The following NAV3 variants were observed in gnomAD, a reference collection of about 807,000 sequenced individuals.
The protein encoded by NAV3 is pore membrane and/or filament interacting like protein 1.
Under a neutral mutation model 244.7 loss-of-function variants are expected in NAV3, and 87 were observed. That is an observed-to-expected ratio of 0.36 (90% CI 0.30 to 0.42). The LOEUF (loss-of-function observed/expected upper bound fraction) is 0.42. Ranked by LOEUF, NAV3 falls within the 20% of genes least tolerant of loss-of-function variation. The probability of loss-of-function intolerance (pLI) is 1.00; values close to 1 mark genes in which losing one functional copy is unlikely to be tolerated. For missense variants in NAV3, 2,663 were observed against 2,893.3 expected (o/e 0.92, Z 1.83); for synonymous variants, 1,126 against 1,042.2 (o/e 1.08, Z -1.55).
intron 2 of NAV3, among the ~76,000 whole-genome samples, chr12:77,768,575 T>C (rs557686573): frequency 6.6e-6 from 1 of 152,340 alleles, no homozygotes; most frequent in Admixed American, 6.5e-5. Context: ...CACCTGGGCT[T>C]GGCCTCAACT....
At chr12:77,769,861 C>G (rs1190187898) in intron 2 of NAV3, among the ~76,000 whole-genome samples, 2 of 152,046 alleles carry the variant, frequency 1.3e-5, no homozygotes, top group African/African-American at 4.8e-5. Context: ...TCATCACTTT[C>G]TATTATGAGA....
At position 77,695,956 on chromosome 12, in the gene NAV3, T is replaced by A. The variant is rs75121601; in HGVS notation, c.72+123690T>A. Among the ~76,000 whole-genome samples the A allele has an allele frequency of 5.9e-3, 892 of 152,286 alleles. 10 individuals carry two copies. The highest frequency in any genetic ancestry group is 0.02 in the African/African-American group (846 of 41,562). On this transcript the variant is annotated intron_variant, in intron 2 of 8. Coordinates refer to the NAV3 transcript ENST00000550042. The stretch of plus-strand genomic sequence containing the variant: ...CTTATTTTGAAGTTATAATTTGTCA[T>A]GTCCTTGGTTCAAGGTATGCAAAAA...
intron 1 of NAV3, among the ~76,000 whole-genome samples, chr12:77,930,484 A>T (rs914300152): frequency 1.3e-5 from 2 of 151,354 alleles, no homozygotes; most frequent in Non-Finnish European, 2.9e-5. Flanking sequence ...ATCCATCCGT[A>T]TACAATTTTC....
chr12:77,584,888 G>C (rs768111614), intron 2 of NAV3, among the ~76,000 whole-genome samples: 1 of 152,128 alleles, frequency 6.6e-6, no homozygotes, highest in African/African-American at 2.4e-5. Context: ...GTCAAATTCT[G>C]TTTAAGTTTT....
chr12:78,170,626 A>G (rs1477488776), intron 24 of NAV3, among the ~76,000 whole-genome samples: 1 of 151,784 alleles, frequency 6.6e-6, no homozygotes, highest in Non-Finnish European at 1.5e-5. Flanking sequence ...ATATTTATTC[A>G]TAACCAATTA....
At chr12:77,621,961 A>G (rs550231181) in intron 2 of NAV3, among the ~76,000 whole-genome samples, 2 of 152,324 alleles carry the variant, frequency 1.3e-5, no homozygotes, top group Admixed American at 1.3e-4. Flanking sequence ...GTATATGAGC[A>G]TCTATGATGA....
chr12:77,805,761 C>T (rs1422289847), intron 2 of NAV3, among the ~76,000 whole-genome samples: 1 of 152,084 alleles, frequency 6.6e-6, no homozygotes, highest in Non-Finnish European at 1.5e-5. Flanking sequence ...CTCTTTGTAC[C>T]TCTGGTAGAA....
rs2140139747 is a variant in NAV3, at chr12:78,210,457, C to T, written c.7098C>T (p.Asp2366=). The change falls in exon 40 of 40, where the codon GAC becomes GAT. Residue 2366 remains aspartate, a synonymous_variant. Transcript: ENST00000397909. ...AANYSSTQSC[D]SESTSHHEDI... ...ATTACTCGAGCACACAAAGCTGCGA[C>T]AGCGAAAGCACCAGCCACCATGAAG... 1 of 1,613,784 alleles carries T rather than the reference C, an allele frequency of 6.2e-7. No individual in the cohort carries two copies. The highest frequency in any genetic ancestry group is 8.5e-7 in the Non-Finnish European group (1 of 1,179,864).
At chr12:78,160,219 G>C (rs1002669049) in intron 23 of NAV3, among the ~76,000 whole-genome samples, 9 of 152,154 alleles carry the variant, frequency 5.9e-5, no homozygotes, top group Admixed American at 3.9e-4. Context: ...GGAGAATTTA[G>C]TTCACGAAGA....
intron 1 of NAV3, among the ~76,000 whole-genome samples, chr12:77,851,026 A>G (rs969601469): frequency 1.3e-5 from 2 of 152,156 alleles, no homozygotes; most frequent in African/African-American, 4.8e-5. Context: ...TAGACATCGG[A>G]TACGCTGTCT....
chr12:78,092,050 C>T lies in NAV3; in HGVS notation c.2637-24722C>T, dbSNP rs534935271. On this transcript the variant is annotated intron_variant, in intron 12 of 39. Coordinates refer to ENST00000397909, the MANE Select transcript of NAV3 (RefSeq NM_001024383.2). ...TTCATTCACCAAACATCCACACCTA[C>T]GGTATTAGCACTGAGGACACAGTCG... Among the ~76,000 whole-genome samples the T allele has an allele frequency of 2.2e-3, 335 of 152,276 alleles. 2 individuals carry two copies. Among genetic ancestry groups the T allele is most frequent in the African/African-American group, 7.2e-3 (301 of 41,552 alleles).
intron 2 of NAV3, among the ~76,000 whole-genome samples, chr12:77,675,696 C>T (rs1416904409): frequency 1.3e-5 from 2 of 152,182 alleles, no homozygotes; most frequent in Non-Finnish European, 2.9e-5. Flanking sequence ...GCTCCTCAGA[C>T]CACCTTCCTC....
At chr12:78,205,272 G>A (rs746769745) in intron 39 of NAV3, 134 bp downstream of exon 39, 1 of 929,168 alleles carries the variant, frequency 1.1e-6, no homozygotes, top group Non-Finnish European at 1.6e-6. Flanking sequence ...ATTATCTTTG[G>A]CCTGCTTTCC....
intron 1 of NAV3, among the ~76,000 whole-genome samples, chr12:77,922,570 C>G (rs1271153470): frequency 1.3e-5 from 2 of 152,118 alleles, no homozygotes; most frequent in Admixed American, 6.6e-5. Context: ...AGTGCCTTGC[C>G]CTTTCAGACC....
At chr12:77,609,244 C>T (rs551589988) in intron 2 of NAV3, among the ~76,000 whole-genome samples, 50 of 151,996 alleles carry the variant, frequency 3.3e-4, no homozygotes, top group Non-Finnish European at 5.0e-4. Flanking sequence ...AGTGGCCTCC[C>T]GCTGAAATCT....
chr12:78,025,499 G>A (rs374835178), intron 9 of NAV3, among the ~76,000 whole-genome samples: 259 of 148,578 alleles, frequency 1.7e-3, no homozygotes, highest in Middle Eastern at 7.0e-3. Flanking sequence ...GGGAGGCTGA[G>A]GCAGGAGAAT....
At chr12:77,893,286 C>T (rs1052262984) in intron 1 of NAV3, among the ~76,000 whole-genome samples, 1 of 152,090 alleles carries the variant, frequency 6.6e-6, no homozygotes, top group Non-Finnish European at 1.5e-5. Context: ...ATAGAGGGCA[C>T]ATTCTATCAA....
intron 2 of NAV3, among the ~76,000 whole-genome samples, chr12:77,758,280 A>G (rs1299125104): frequency 1.3e-5 from 2 of 151,976 alleles, no homozygotes; most frequent in East Asian, 3.8e-4. Flanking sequence ...TTGTTTACTG[A>G]TTTATGCATT....
intron 3 of NAV3, among the ~76,000 whole-genome samples, chr12:77,945,911 G>A (rs1393976804): frequency 6.6e-6 from 1 of 151,380 alleles, no homozygotes; most frequent in African/African-American, 2.4e-5. Flanking sequence ...ACCACACCTG[G>A]CTAATATTTT....
Sources: gnomAD v4.1 joint callset for allele counts (sites outside exome capture counted in the v4.1 genomes callset) on GRCh38, gnomAD v4.1.1 for gene constraint, MANE v1.5 for transcripts, NCBI Gene and HGNC (gene_info 2026-07-23, HGNC 2026-07-21) for gene names.